The following FAM13A variants were observed in gnomAD, a reference collection of about 807,000 sequenced individuals.
FAM13A encodes the protein family with sequence similarity 13 member A, also known as protein FAM13A.
FAM13A carries 76 observed loss-of-function variants against 129.6 expected under a neutral mutation model. That is an observed-to-expected ratio of 0.59 (90% confidence interval 0.49 to 0.71). The LOEUF is 0.71. Ranked by LOEUF, FAM13A falls within the 30% of genes least tolerant of loss-of-function variation. The pLI is 0.00. For synonymous variants in FAM13A, 443 were observed against 449.9 expected (o/e 0.98, Z 0.20); for missense variants, 1,108 against 1,249.3 (o/e 0.89, Z 1.70).
At chr4:88,850,892 G>A (rs898435348) in intron 7 of FAM13A, 128 bp downstream of exon 7, 13 of 731,430 alleles carry the variant, frequency 1.8e-5, no homozygotes, top group Admixed American at 1.7e-4. Context: ...TGAATTTTAA[G>A]TATCTTTACT....
chr4:88,731,109 A>T (rs1737649134), intron 23 of FAM13A, among the ~76,000 whole-genome samples: 1 of 152,152 alleles, frequency 6.6e-6, no homozygotes, highest in Non-Finnish European at 1.5e-5. Flanking sequence ...CTTGGGCATT[A>T]CCCAAAGAGC....
chr4:88,964,014 C>T (rs564371886), intron 4 of FAM13A, among the ~76,000 whole-genome samples: 12 of 152,264 alleles, frequency 7.9e-5, no homozygotes, highest in South Asian at 4.1e-4. Context: ...ACTCCCCATG[C>T]GCCAAAAAAC....
At chr4:89,031,028 T>C (rs577010449) in intron 1 of FAM13A, among the ~76,000 whole-genome samples, 6 of 152,262 alleles carry the variant, frequency 3.9e-5, no homozygotes, top group African/African-American at 1.4e-4. Flanking sequence ...TCTATTAATA[T>C]TATAAATAAG....
At chr4:88,887,684 C>A (rs926964561) in intron 6 of FAM13A, among the ~76,000 whole-genome samples, 2 of 152,020 alleles carry the variant, frequency 1.3e-5, no homozygotes, top group African/African-American at 4.8e-5. Context: ...ATGCGTGCCA[C>A]CATGCCCAGC....
intron 4 of FAM13A, among the ~76,000 whole-genome samples, chr4:88,968,256 T>G (rs1262221388): frequency 6.6e-6 from 1 of 152,202 alleles, no homozygotes; most frequent in Non-Finnish European, 1.5e-5. Flanking sequence ...AAGGTCATCA[T>G]CTGATTAAGA....
intron 7 of FAM13A, among the ~76,000 whole-genome samples, chr4:88,811,566 T>G: frequency 7.4e-6 from 1 of 134,808 alleles, no homozygotes; most frequent in African/African-American, 2.7e-5. Flanking sequence ...TAGGGGTATG[T>G]GCATGTGGGG....
chr4:88,967,904 C>T (rs531193777), intron 4 of FAM13A, among the ~76,000 whole-genome samples: 69 of 152,216 alleles, frequency 4.5e-4, no homozygotes, highest in Admixed American at 9.2e-4. Flanking sequence ...TTAAACAGTG[C>T]CTAGTGCTGC....
intron 7 of FAM13A, among the ~76,000 whole-genome samples, chr4:88,826,714 G>T (rs1480070583): frequency 6.6e-6 from 1 of 152,042 alleles, no homozygotes; most frequent in Non-Finnish European, 1.5e-5. Context: ...TACCACTCCT[G>T]TTCCCACTCC....
At chr4:88,940,018 G>A (rs919434409) in intron 4 of FAM13A, among the ~76,000 whole-genome samples, 5 of 152,176 alleles carry the variant, frequency 3.3e-5, no homozygotes, top group African/African-American at 7.2e-5. Flanking sequence ...GTTAAGTTGT[G>A]CCCAGATTCC....
rs554336218 is a variant in FAM13A, at chr4:89,029,635, C to T, written c.42G>A (p.Ala14=). ...GALAICQSKA[A]VRLKEDMKKI... ...TTTTCATGTCTTCTTTCAGCCGAAC[C>T]GCTGCTTTACTTTGCTTAAAGGAGC... Residue 14 remains alanine, a synonymous_variant, in exon 2 of 24, where the codon GCG becomes GCA. Coordinates refer to ENST00000264344, the MANE Select transcript of FAM13A (RefSeq NM_014883.4). 4.6e-5 allele frequency: 72 copies of T among 1,574,380 alleles called. No individual in the cohort carries two copies. The highest frequency in any genetic ancestry group is 1.4e-4 in the Admixed American group (7 of 48,698).
chr4:88,763,199 G>GA (rs1420529582), intron 13 of FAM13A, among the ~76,000 whole-genome samples: 1 of 152,154 alleles, frequency 6.6e-6, no homozygotes, highest in Non-Finnish European at 1.5e-5. Context: ...AGATTAAAAT[G>GA]AAAAACGTGT....
rs1736384800 is a variant in FAM13A at position 88,726,013 on chromosome 4, C to CT, written c.*2519dup. The CT allele has an allele frequency of 6.6e-6, 1 of 152,170 alleles. No individual in the cohort carries two copies. The highest frequency in any genetic ancestry group is 6.5e-5 in the Admixed American group (1 of 15,274). The allele number at this position is 152,170 out of a possible 1,614,324, so 9.4% of individuals were successfully genotyped here. A position where few individuals can be genotyped will look rare whatever the true frequency, so the allele number is the denominator to read the frequency against. ...GTTTACTTACACTTATGAAATAACT[C>CT]TTGACATTTATTTTGTTGGCATGTG... is the stretch of plus-strand genomic sequence containing the variant. On this transcript the variant is annotated 3_prime_UTR_variant, in exon 24 of 24. Transcript: ENST00000264344.
chr4:88,905,112 T>C (rs777323417), intron 6 of FAM13A, among the ~76,000 whole-genome samples: 9 of 152,186 alleles, frequency 5.9e-5, no homozygotes, highest in Non-Finnish European at 1.3e-4. Flanking sequence ...CTATTTCCTA[T>C]GTCAGAGGCT....
At chr4:88,854,402 C>T (rs1738138570) in intron 6 of FAM13A, among the ~76,000 whole-genome samples, 1 of 152,162 alleles carries the variant, frequency 6.6e-6, no homozygotes, top group Non-Finnish European at 1.5e-5. Context: ...TACCTGCAGC[C>T]TCTCTCATAA....
intron 7 of FAM13A, among the ~76,000 whole-genome samples, chr4:88,818,808 C>A (rs1392396782): frequency 6.6e-6 from 1 of 152,162 alleles, no homozygotes; most frequent in African/African-American, 2.4e-5. Flanking sequence ...ACAGAGACTT[C>A]TAGATAAATT....
At chr4:88,784,264 T>A (rs1329565049) in intron 10 of FAM13A, among the ~76,000 whole-genome samples, 2 of 152,342 alleles carry the variant, frequency 1.3e-5, no homozygotes, top group East Asian at 3.9e-4. Context: ...GGATGCGATA[T>A]CTGTTTTTCA....
rs748136298 is a variant in FAM13A, at chr4:88,851,201, G to A, written c.844-18C>T. The A allele has an allele frequency of 2.0e-6, 3 of 1,530,032 alleles. No individual in the cohort carries two copies. Among genetic ancestry groups the A allele is most frequent in the South Asian group, 1.3e-5 (1 of 78,968 alleles). The allele number at this position is 1,530,032 out of a possible 1,614,324, so 94.8% of individuals were successfully genotyped here. A position where few individuals can be genotyped will look rare whatever the true frequency, so the allele number is the denominator to read the frequency against. ...TTTGGGATCTAGAAGAAAAAAAAAA[G>A]AGGGGTGGGGGAGAGCTAGATAAAT... On this transcript the variant is annotated intron_variant, in intron 6 of 23. Coordinates refer to ENST00000264344, the MANE Select transcript of FAM13A (RefSeq NM_014883.4).
chr4:88,969,151 G>A (rs1405716107), intron 4 of FAM13A, among the ~76,000 whole-genome samples: 1 of 151,940 alleles, frequency 6.6e-6, no homozygotes. Flanking sequence ...CACCACTAAA[G>A]AACTTACTCA....
intron 5 of FAM13A, among the ~76,000 whole-genome samples, chr4:88,922,706 T>C (rs1255797860): frequency 5.3e-5 from 8 of 150,418 alleles, no homozygotes; most frequent in South Asian, 2.1e-4. Flanking sequence ...AAAATCAGAG[T>C]AGAACTGAAG....
Sources: allele counts gnomAD v4.1 joint callset (sites outside exome capture counted in the v4.1 genomes callset), GRCh38; gene constraint gnomAD v4.1.1; transcripts MANE v1.5; gene names NCBI Gene and HGNC (gene_info 2026-07-23, HGNC 2026-07-21).